CDIN1: variants seen among roughly 807,000 people sequenced by gnomAD.
CDIN1 encodes CDAN1-interacting nuclease 1.
Under a neutral mutation model 45.3 loss-of-function variants are expected in CDIN1, and 33 were observed. The observed-to-expected ratio is 0.73, with a 90% CI of 0.55 to 0.97. The LOEUF (loss-of-function observed/expected upper bound fraction) is 0.97. Among genes scored for constraint, CDIN1 ranks in the 50% least tolerant of loss-of-function variants. The pLI is 0.00. For missense variants in CDIN1, 303 were observed against 339.4 expected, an observed-to-expected ratio of 0.89 and a Z score of 0.84; for synonymous variants, 118 against 124.4, an observed-to-expected ratio of 0.95 and a Z score of 0.34.
intron 10 of CDIN1, among the ~76,000 whole-genome samples, chr15:36,727,278 AT>A (rs1386250916): frequency 6.6e-6 from 1 of 151,916 alleles, no homozygotes; most frequent in Non-Finnish European, 1.5e-5. Flanking sequence ...TATCTGCCAA[AT>A]TTAAGTTAAT....
At chr15:36,786,915 T>G (rs1460598460) in intron 10 of CDIN1, among the ~76,000 whole-genome samples, 1 of 152,158 alleles carries the variant, frequency 6.6e-6, no homozygotes. Context: ...CCTGATTCTC[T>G]TTCCACCCTG....
At chr15:36,807,701 C>T (rs1017531302) in intron 10 of CDIN1, among the ~76,000 whole-genome samples, 3 of 152,086 alleles carry the variant, frequency 2.0e-5, no homozygotes, top group East Asian at 1.9e-4. Flanking sequence ...TCCTCATTTC[C>T]GTAAGCACCA....
intron 5 of CDIN1, among the ~76,000 whole-genome samples, chr15:36,667,356 C>A (rs1238839684): frequency 1.3e-5 from 2 of 152,124 alleles, no homozygotes; most frequent in African/African-American, 4.8e-5. Flanking sequence ...AAGTGCTTAA[C>A]CTTTATTTCT....
chr15:36,741,617 G>A (rs72706802), intron 10 of CDIN1, among the ~76,000 whole-genome samples: 24,359 of 152,046 alleles, frequency 0.16, 2,371 homozygotes, highest in East Asian at 0.29. Context: ...AGGCTGGAAG[G>A]CTGACATCAA....
chr15:36,732,481 A>T (rs546898765), intron 10 of CDIN1, among the ~76,000 whole-genome samples: 4 of 152,266 alleles, frequency 2.6e-5, no homozygotes, highest in African/African-American at 9.6e-5. Context: ...TTTCTTAGGC[A>T]TGACAATGCC....
chr15:36,716,923 C>A (rs549519090), intron 10 of CDIN1, among the ~76,000 whole-genome samples: 7 of 152,282 alleles, frequency 4.6e-5, no homozygotes, highest in African/African-American at 1.4e-4. Flanking sequence ...GCAGAGGCAG[C>A]ACCTGAACCC....
intron 1 of CDIN1, among the ~76,000 whole-genome samples, chr15:36,598,695 C>G (rs1028840704): frequency 1.3e-5 from 2 of 152,086 alleles, no homozygotes; most frequent in Non-Finnish European, 2.9e-5. Context: ...TTTCCTCTCT[C>G]CTTCCTTCTG....
intron 8 of CDIN1, among the ~76,000 whole-genome samples, chr15:36,701,244 ACTC>A (rs1461579431): frequency 6.6e-6 from 1 of 151,602 alleles, no homozygotes; most frequent in Non-Finnish European, 1.5e-5. Flanking sequence ...TGTACAAAAA[ACTC>A]CTCAACGTTA....
intron 5 of CDIN1, among the ~76,000 whole-genome samples, chr15:36,673,811 G>T (rs1044026955): frequency 2.6e-5 from 4 of 152,084 alleles, no homozygotes; most frequent in African/African-American, 9.7e-5. Flanking sequence ...ATTCTAGTGT[G>T]CATTGAGGTG....
intron 1 of CDIN1, among the ~76,000 whole-genome samples, chr15:36,602,726 A>C (rs1006910527): frequency 1.3e-5 from 2 of 152,324 alleles, no homozygotes; most frequent in Admixed American, 1.3e-4. Flanking sequence ...TAATCCCAGC[A>C]CTTTGGGAGG....
intron 1 of CDIN1, among the ~76,000 whole-genome samples, chr15:36,588,847 A>G (rs891151192): frequency 2.6e-5 from 4 of 152,190 alleles, no homozygotes; most frequent in Admixed American, 6.5e-5. Context: ...CGAAAGGGAT[A>G]TGAGCTTGAA....
intron 10 of CDIN1, among the ~76,000 whole-genome samples, chr15:36,720,257 T>G (rs200749713): frequency 1.1e-4 from 1 of 9,224 alleles, no homozygotes; most frequent in Admixed American, 1.7e-3. Context: ...TTATTTATTA[T>G]TTATTTATTT....
intron 10 of CDIN1, among the ~76,000 whole-genome samples, chr15:36,784,695 C>T (rs150901719): frequency 1.3e-4 from 20 of 152,198 alleles, no homozygotes; most frequent in African/African-American, 3.9e-4. Flanking sequence ...ATAAACATTG[C>T]GTTATCCAAT....
At chr15:36,689,130 A>G (rs2042156032) in intron 5 of CDIN1, among the ~76,000 whole-genome samples, 1 of 152,240 alleles carries the variant, frequency 6.6e-6, no homozygotes, top group Non-Finnish European at 1.5e-5. Flanking sequence ...ACTTTTAAAA[A>G]AAAGTTTATT....
At chr15:36,729,517 A>C (rs1295252268) in intron 10 of CDIN1, among the ~76,000 whole-genome samples, 1 of 152,150 alleles carries the variant, frequency 6.6e-6, no homozygotes, top group Admixed American at 6.5e-5. Flanking sequence ...GAACACCAAG[A>C]AGTCGTGTCC....
At chr15:36,755,161 G>T (rs12442122) in intron 10 of CDIN1, among the ~76,000 whole-genome samples, 4 of 152,136 alleles carry the variant, frequency 2.6e-5, no homozygotes, top group Non-Finnish European at 4.4e-5. Flanking sequence ...GAAGTATTTA[G>T]AACACTGATA....
chr15:36,805,790 A>G (rs1176247809), intron 10 of CDIN1, among the ~76,000 whole-genome samples: 1 of 152,180 alleles, frequency 6.6e-6, no homozygotes. Context: ...AGGCTCAGAA[A>G]TGCACTAAAG....
At chr15:36,660,844 A>G (rs150305108) in intron 5 of CDIN1, among the ~76,000 whole-genome samples, 1 of 152,304 alleles carries the variant, frequency 6.6e-6, no homozygotes, top group East Asian at 1.9e-4. Context: ...TCCTATGATT[A>G]TTACTACATA....
chr15:36,649,607 A>G (rs1238425649), intron 3 of CDIN1, among the ~76,000 whole-genome samples: 1 of 152,184 alleles, frequency 6.6e-6, no homozygotes, highest in African/African-American at 2.4e-5. Context: ...ATATAAGGCA[A>G]AGTTCTCCAT....
Sources: gnomAD v4.1 joint callset for allele counts (sites outside exome capture counted in the v4.1 genomes callset) on GRCh38, gnomAD v4.1.1 for gene constraint, MANE v1.5 for transcripts, NCBI Gene and HGNC (gene_info 2026-07-23, HGNC 2026-07-21) for gene names.